The following PTPN23 variants were observed in gnomAD, a reference collection of about 807,000 sequenced individuals.
PTPN23 encodes protein tyrosine phosphatase non-receptor type 23.
In PTPN23, 72 loss-of-function variants were observed where a neutral mutation model predicts 156.3. The observed-to-expected ratio is 0.46, with a 90% CI of 0.38 to 0.56. The LOEUF is 0.56. PTPN23 is among the 20% of genes least tolerant of loss of function. PTPN23 has a pLI of 0.00. For missense variants in PTPN23, 1,974 were observed against 2,171.5 expected, an observed-to-expected ratio of 0.91 and a Z score of 1.81; for synonymous variants, 957 against 899.6, an observed-to-expected ratio of 1.06 and a Z score of -1.14.
At chr3:47,402,834 T>C (rs1705024870) in intron 2 of PTPN23, among the ~76,000 whole-genome samples, 1 of 152,056 alleles carries the variant, frequency 6.6e-6, no homozygotes, top group African/African-American at 2.4e-5. Flanking sequence ...GCCTCCCGAG[T>C]AGCTGGGATT....
At position 47,406,595 on chromosome 3, in the gene PTPN23, T is replaced by C. The variant is rs770775474; in HGVS notation, c.742T>C (p.Phe248Leu). The C allele has an allele frequency of 6.2e-7, 1 of 1,613,874 alleles. No homozygotes were observed. The highest frequency in any genetic ancestry group is 8.5e-7 in the Non-Finnish European group (1 of 1,179,984). The part of the protein sequence containing the change: ...KKLVQMKIYY[F>L]AAVAHLHMGK... Reference sequence around the variant, plus strand: ...ACTTGTGCAGATGAAGATCTACTACTTCGCAGCCGTGGCTCATGTGAGGGC... The same window carrying C: ...ACTTGTGCAGATGAAGATCTACTACCTCGCAGCCGTGGCTCATGTGAGGGC... Residue 248 changes from phenylalanine (F) to leucine (L), a missense_variant, in exon 8 of 25, where the codon TTC becomes CTC. Physicochemically the swap from Phe to Leu is conservative, Grantham distance 22. Around this residue, in one of 4 missense-constraint regions of PTPN23, gnomAD observed 726 missense variants for 929.5 expected, o/e 0.78. Transcript: ENST00000265562. The surrounding 1 kb of genome is among the most constrained non-coding windows in gnomAD (Gnocchi z 5.8).
rs754863024 is a variant in PTPN23, at chr3:47,413,118, G to A, written c.4844G>A (p.Arg1615Gln). ...FLQAHNGQGL[R>Q]ATRPSDDPLS... ...CAGGCCCATAACGGGCAAGGGCTGC[G>A]GGCCACCCGGCCCTCTGACGACCCC... The change falls in exon 25 of 25, where the codon CGG becomes CAG. Residue 1615 changes from arginine (R) to glutamine (Q), a missense_variant. Transcript: ENST00000265562. 104 of 1,612,752 alleles carry A rather than the reference G, an allele frequency of 6.4e-5. 1 individual carries two copies. The highest frequency in any genetic ancestry group is 1.8e-4 in the South Asian group (16 of 91,092).
At chr3:47,381,682 C>T (rs1045328217) in intron 1 of PTPN23, among the ~76,000 whole-genome samples, 1 of 152,186 alleles carries the variant, frequency 6.6e-6, no homozygotes, top group Non-Finnish European at 1.5e-5. Flanking sequence ...AGATGCCCGA[C>T]CCCTGCGGTG....
chr3:47,409,697 CTATGAGGA>C lies in PTPN23; in HGVS notation c.1993_2000del (p.Tyr665ProfsTer67). 1 of 1,609,396 alleles carries C rather than the reference CTATGAGGA, an allele frequency of 6.2e-7. No individual in the cohort carries two copies. Among genetic ancestry groups the C allele is most frequent in the Non-Finnish European group, 8.5e-7 (1 of 1,179,852 alleles). ...AGACCCTGGTGGCCTCGTATGAAGC[CTATGAGGA>C]CCTGATGAAGAAGTCGCAGGAGGGC... is the stretch of plus-strand genomic sequence containing the variant. On this transcript the variant is annotated frameshift_variant, in exon 19 of 25. Transcript: ENST00000265562. LOFTEE classifies it high-confidence loss of function.
At chr3:47,389,593 C>T (rs946741981) in intron 1 of PTPN23, among the ~76,000 whole-genome samples, 12 of 152,142 alleles carry the variant, frequency 7.9e-5, no homozygotes, top group African/African-American at 2.9e-4. Context: ...GTAATCCCCG[C>T]ACTTTGGGAG....
intron 1 of PTPN23, among the ~76,000 whole-genome samples, chr3:47,392,598 TGCCTGTCA>T (rs1051773627): frequency 2.0e-5 from 3 of 152,182 alleles, no homozygotes; most frequent in African/African-American, 4.8e-5. Flanking sequence ...GATTGTTAAA[TGCCTGTCA>T]GCTCCCTAAA....
chr3:47,412,938 C>T lies in PTPN23; in HGVS notation c.4664C>T (p.Ala1555Val). The T allele has an allele frequency of 7.2e-7, 1 of 1,385,936 alleles. No homozygotes were observed. The allele number at this position is 1,385,936 out of a possible 1,614,324, so 85.9% of individuals were successfully genotyped here. Residue 1555 changes from alanine (A) to valine (V), a missense_variant, in exon 25 of 25, where the codon GCT (alanine) becomes GTT (valine). By Grantham distance (64) the Ala-to-Val change is moderately conservative. This residue lies in a region of PTPN23 where 484 missense variants were observed against 516.0 expected (regional missense o/e 0.94). Transcript: ENST00000265562. ...PPPLSSPLPEAPQPKEEPPVP... is the reference protein window; with the variant it reads ...PPPLSSPLPEVPQPKEEPPVP... ...CCCCTTTCCTCCCCACTACCTGAGG[C>T]TCCCCAGCCTAAGGAGGAGCCGCCA...
At chr3:47,381,946 C>T (rs1021393389) in intron 1 of PTPN23, among the ~76,000 whole-genome samples, 1 of 151,982 alleles carries the variant, frequency 6.6e-6, no homozygotes, top group African/African-American at 2.4e-5. Flanking sequence ...AGGTGCCCTC[C>T]GAGACATCCG....
In PTPN23 at chr3:47,412,550, C is replaced by G; in HGVS notation, c.4354C>G (p.His1452Asp). ...GTTCTGCTATGAGGCAGTGGTGAGA[C>G]ACGTGGAGCAGGTCCTGCAGCGCCA... ...LRFCYEAVVRHVEQVLQRHGV... is the reference protein window; with the variant it reads ...LRFCYEAVVRDVEQVLQRHGV... The change falls in exon 24 of 25, where the codon CAC (histidine) becomes GAC (aspartate). Residue 1452 changes from histidine to aspartate, a missense_variant. His to Asp is a moderately conservative substitution (Grantham distance 81). Transcript: ENST00000265562. 1 of 1,613,592 alleles carries G rather than the reference C, an allele frequency of 6.2e-7. No homozygotes were observed. Among genetic ancestry groups the G allele is most frequent in the Non-Finnish European group, 8.5e-7 (1 of 1,179,992 alleles).
intron 2 of PTPN23, among the ~76,000 whole-genome samples, chr3:47,401,250 G>A (rs142812023): frequency 1.3e-5 from 2 of 152,200 alleles, no homozygotes; most frequent in Admixed American, 6.5e-5. Flanking sequence ...CCAGGCTGAA[G>A]TGCAGTGGCA....
intron 2 of PTPN23, among the ~76,000 whole-genome samples, chr3:47,397,989 T>C (rs1704913907): frequency 6.6e-6 from 1 of 152,064 alleles, no homozygotes; most frequent in African/African-American, 2.4e-5. Context: ...ATATTTTCTA[T>C]GTCAGTTATT....
At position 47,409,781 on chromosome 3, in the gene PTPN23, C is replaced by T. The variant is rs753927297; in HGVS notation, c.2076C>T (p.Arg692=). 1.2e-6 allele frequency: 2 copies of T among 1,608,240 alleles called. No homozygotes were observed. Among genetic ancestry groups the T allele is most frequent in the East Asian group, 2.2e-5 (1 of 44,820 alleles). The change falls in exon 19 of 25, where the codon CGC becomes CGT. Residue 692 remains arginine, a synonymous_variant. Coordinates refer to ENST00000265562, the MANE Select transcript of PTPN23 (RefSeq NM_015466.4). ...GCAAGGTGGCTGCTCTGCTGGAGCG[C>T]ACGCAGTCCACCTGCCAGGCCCGCG... is the stretch of plus-strand genomic sequence containing the variant. ...LESKVAALLE[R]TQSTCQAREA...
rs767436914 is a variant in PTPN23, at chr3:47,407,560, T to C, written c.979T>C (p.Leu327=). Residue 327 remains leucine, a synonymous_variant, in exon 12 of 25, where the codon TTG becomes CTG. Transcript: ENST00000265562. This position sits in a 1 kb window ranked among gnomAD's most constrained non-coding sequence, Gnocchi z 4.0. ...DFIYHEAVPA[L]DTLQPVKGAP... is the part of the protein sequence containing the mutation. The stretch of plus-strand genomic sequence containing the variant: ...CATTTACCATGAGGCTGTCCCAGCA[T>C]TGGACACTCTTCAGCCTGTAAAAGG... 3.7e-6 allele frequency: 6 copies of C among 1,613,950 alleles called. No individual in the cohort carries two copies. The highest frequency in any genetic ancestry group is 1.7e-5 in the Admixed American group (1 of 60,020).
At chr3:47,399,412 A>AT (rs1289836909) in intron 2 of PTPN23, among the ~76,000 whole-genome samples, 1 of 152,204 alleles carries the variant, frequency 6.6e-6, no homozygotes, top group Non-Finnish European at 1.5e-5. Flanking sequence ...GCTTCTTCTT[A>AT]TGCTGTCTTC....
At chr3:47,393,836 C>G (rs542386006) in intron 1 of PTPN23, among the ~76,000 whole-genome samples, 28 of 151,804 alleles carry the variant, frequency 1.8e-4, no homozygotes, top group African/African-American at 6.5e-4. Context: ...CCTCAACCTC[C>G]CAGGCTGATT....
chr3:47,406,211 G>A lies in PTPN23; in HGVS notation c.547-114G>A, dbSNP rs1056726192. 6.8e-7 allele frequency: 1 copy of A among 1,466,826 alleles called. No individual in the cohort carries two copies. The highest frequency in any genetic ancestry group is 9.3e-7 in the Non-Finnish European group (1 of 1,071,270). The allele number at this position is 1,466,826 out of a possible 1,614,324, so 90.9% of individuals were successfully genotyped here. ...GGTGCTGCTTGGAGTGGGGGCAGCT[G>A]GGGGAGAGGGCAGTGAAGAGGGATC... On this transcript the variant is annotated intron_variant, in intron 6 of 24. Transcript: ENST00000265562. This position sits in a 1 kb window ranked among gnomAD's most constrained non-coding sequence, Gnocchi z 5.8.
At chr3:47,383,524 A>G (rs1704591625) in intron 1 of PTPN23, among the ~76,000 whole-genome samples, 1 of 152,218 alleles carries the variant, frequency 6.6e-6, no homozygotes, top group South Asian at 2.1e-4. Context: ...TGTGTTCCCC[A>G]GAGCCTAACA....
chr3:47,403,006 T>C (rs1705029304), intron 2 of PTPN23, among the ~76,000 whole-genome samples: 1 of 150,472 alleles, frequency 6.6e-6, no homozygotes, highest in African/African-American at 2.4e-5. Context: ...TTGCCTGGCC[T>C]GTGTACCCAT....
In PTPN23 at chr3:47,410,665, A is replaced by G. The variant is rs768866808; in HGVS notation, c.2867A>G (p.Gln956Arg). 29 of 1,591,678 alleles carry G rather than the reference A, an allele frequency of 1.8e-5. No homozygotes were observed. Among genetic ancestry groups the G allele is most frequent in the Middle Eastern group, 3.3e-4 (2 of 6,036 alleles). ...GCCCCAAGGATTGGGCCCCAGCCCCAGCCCCATCCTCAGCCCCATCCTTCA... is the reference window on the plus strand; with the variant it reads ...GCCCCAAGGATTGGGCCCCAGCCCCGGCCCCATCCTCAGCCCCATCCTTCA... ...FPAPRIGPQP[Q>R]PHPQPHPSQA... The change falls in exon 20 of 25, where the codon CAG becomes CGG. Residue 956 changes from glutamine (Q) to arginine (R), a missense_variant. By Grantham distance (43) the Gln-to-Arg change is conservative. Coordinates refer to ENST00000265562, the MANE Select transcript of PTPN23 (RefSeq NM_015466.4).
Sources: gnomAD v4.1 joint callset for allele counts (sites outside exome capture counted in the v4.1 genomes callset) on GRCh38, gnomAD v4.1.1 for gene constraint, gnomAD v4.1.1 regional missense constraint, Gnocchi (gnomAD v3.1) non-coding constraint, MANE v1.5 for transcripts, NCBI Gene and HGNC (gene_info 2026-07-23, HGNC 2026-07-21) for gene names.